The following MAMDC2 variants were observed in gnomAD, a reference collection of about 807,000 sequenced individuals.
MAMDC2 encodes the protein MAM domain containing 2.
MAMDC2 carries 57 observed loss-of-function variants against 89.8 expected under a neutral mutation model. That is an observed-to-expected ratio of 0.63 (90% CI 0.51 to 0.79). The LOEUF (loss-of-function observed/expected upper bound fraction) is 0.79. MAMDC2 is among the 30% of genes least tolerant of loss of function. The pLI is 0.00. For synonymous variants in MAMDC2, 313 were observed against 293.4 expected (o/e 1.07, Z -0.68); for missense variants, 800 against 820.6 (o/e 0.97, Z 0.31).
intron 11 of MAMDC2, among the ~76,000 whole-genome samples, chr9:70,214,756 A>T (rs769187479): frequency 2.0e-5 from 3 of 152,150 alleles, no homozygotes; most frequent in Non-Finnish European, 2.9e-5. Flanking sequence ...TGGATTCTGG[A>T]TATATTTTAA....
At chr9:70,216,433 G>A (rs555033267) in intron 11 of MAMDC2, 16 of 152,272 alleles carry the variant, frequency 1.1e-4, no homozygotes, top group African/African-American at 3.9e-4. Flanking sequence ...TGAAGAGAGA[G>A]AGAGAACAAG....
chr9:70,074,801 T>G (rs926127384), intron 2 of MAMDC2, among the ~76,000 whole-genome samples: 2 of 152,210 alleles, frequency 1.3e-5, no homozygotes, highest in Admixed American at 6.5e-5. Context: ...AAGCTTTATA[T>G]TTAATACTGT....
At chr9:70,070,394 C>T (rs969539705) in intron 2 of MAMDC2, among the ~76,000 whole-genome samples, 6 of 152,080 alleles carry the variant, frequency 3.9e-5, no homozygotes, top group Non-Finnish European at 7.4e-5. Flanking sequence ...TTTTGGAGAG[C>T]GGAGTTTCCT....
intron 11 of MAMDC2, among the ~76,000 whole-genome samples, chr9:70,211,234 C>G (rs1422954287): frequency 6.6e-6 from 1 of 152,222 alleles, no homozygotes; most frequent in Non-Finnish European, 1.5e-5. Flanking sequence ...CAACTTGGTT[C>G]CATCCTCCCC....
At chr9:70,154,637 A>C (rs1389294901) in intron 9 of MAMDC2, among the ~76,000 whole-genome samples, 1 of 146,584 alleles carries the variant, frequency 6.8e-6, no homozygotes, top group Non-Finnish European at 1.5e-5. Flanking sequence ...CAGTCCTCCC[A>C]CCTCAGCTTC....
intron 7 of MAMDC2, among the ~76,000 whole-genome samples, chr9:70,133,450 A>AGACTGTG (rs2030882843): frequency 6.6e-6 from 1 of 152,256 alleles, no homozygotes; most frequent in Non-Finnish European, 1.5e-5. Context: ...TCTGCAAAGC[A>AGACTGTG]CAGACTCCTT....
intron 2 of MAMDC2, 118 bp from the exon 3 acceptor site, chr9:70,108,093 G>A: frequency 2.9e-6 from 3 of 1,039,848 alleles, no homozygotes; most frequent in South Asian, 1.8e-5. Context: ...ACTTTCAGTG[G>A]GTTGACAAAA....
intron 11 of MAMDC2, among the ~76,000 whole-genome samples, chr9:70,195,892 A>G (rs1215654188): frequency 6.6e-6 from 1 of 152,106 alleles, no homozygotes; most frequent in East Asian, 1.9e-4. Flanking sequence ...TTTGCTAAGG[A>G]CTACATTAAC....
intron 2 of MAMDC2, among the ~76,000 whole-genome samples, chr9:70,093,355 G>T (rs373905987): frequency 6.6e-6 from 1 of 151,824 alleles, no homozygotes. Context: ...GAACTTGCAG[G>T]GTGAATTCAG....
At chr9:70,179,967 A>T (rs2032602241) in intron 11 of MAMDC2, among the ~76,000 whole-genome samples, 1 of 150,598 alleles carries the variant, frequency 6.6e-6, no homozygotes, top group Non-Finnish European at 1.5e-5. Context: ...TGCCAGACCT[A>T]TCATCCCAAC....
At chr9:70,105,680 C>G (rs932435923) in intron 2 of MAMDC2, among the ~76,000 whole-genome samples, 1 of 152,128 alleles carries the variant, frequency 6.6e-6, no homozygotes, top group Non-Finnish European at 1.5e-5. Context: ...AGAATAAAAT[C>G]TAGGTATTTT....
rs563085503 is a variant in MAMDC2 at position 70,167,284 on chromosome 9, A to G, written c.1405-1418A>G. On this transcript the variant is annotated intron_variant, in intron 9 of 13. Coordinates refer to ENST00000377182, the MANE Select transcript of MAMDC2 (RefSeq NM_153267.5). ...CACATCTTACAATTAGTAATTATCC[A>G]GAAGGTCTTGGATTAAGACATTTTA... Among the ~76,000 whole-genome samples, 5 of 152,342 alleles carry G rather than the reference A, an allele frequency of 3.3e-5. No homozygotes were observed. The South Asian group carries it at 1.0e-3, about 32-fold the overall frequency.
At chr9:70,098,349 C>T (rs1828079423) in intron 2 of MAMDC2, among the ~76,000 whole-genome samples, 1 of 152,184 alleles carries the variant, frequency 6.6e-6, no homozygotes, top group Non-Finnish European at 1.5e-5. Flanking sequence ...TGACAGCAGT[C>T]AGTAACCAAA....
chr9:70,130,041 TGTGTGA>T (rs1173500407), intron 6 of MAMDC2, among the ~76,000 whole-genome samples: 8 of 135,582 alleles, frequency 5.9e-5, no homozygotes, highest in Admixed American at 2.3e-4. Context: ...TGTGTGTGTG[TGTGTGA>T]GAGTGTCTGC....
chr9:70,216,844 C>T (rs544042335), intron 11 of MAMDC2, among the ~76,000 whole-genome samples: 2 of 152,304 alleles, frequency 1.3e-5, no homozygotes, highest in South Asian at 2.1e-4. Context: ...ACTTCAGTGA[C>T]ATGATAGTGA....
chr9:70,208,484 G>T (rs1331153989), intron 11 of MAMDC2, among the ~76,000 whole-genome samples: 1 of 152,138 alleles, frequency 6.6e-6, no homozygotes, highest in Non-Finnish European at 1.5e-5. Context: ...CATTGATTTT[G>T]TATCCTGAGA....
At position 70,044,240 on chromosome 9, in the gene MAMDC2, T is replaced by C; in HGVS notation, c.34+9T>C. The stretch of plus-strand genomic sequence containing the variant: ...CCTCCTGGCGTTGCAAGGTAAGGCC[T>C]GGACCCCGGGACAACCCCGGGGGCG... On this transcript the variant is annotated intron_variant, in intron 1 of 13. Coordinates refer to ENST00000377182, the MANE Select transcript of MAMDC2 (RefSeq NM_153267.5). The C allele has an allele frequency of 1.9e-6, 3 of 1,612,450 alleles. No individual in the cohort carries two copies. Among genetic ancestry groups the C allele is most frequent in the Non-Finnish European group, 1.7e-6 (2 of 1,179,842 alleles).
At chr9:70,082,212 T>A (rs1441905568) in intron 2 of MAMDC2, 2 of 152,070 alleles carry the variant, frequency 1.3e-5, no homozygotes, top group Non-Finnish European at 2.9e-5. Context: ...CTGGGCAACA[T>A]AGCAAGACCC....
chr9:70,120,760 G>A (rs2030247723), intron 5 of MAMDC2, among the ~76,000 whole-genome samples: 2 of 152,168 alleles, frequency 1.3e-5, no homozygotes, highest in South Asian at 4.1e-4. Context: ...ATTCATTCAT[G>A]CTTACGTCAT....
Sources: allele counts gnomAD v4.1 joint callset (sites outside exome capture counted in the v4.1 genomes callset), GRCh38; gene constraint gnomAD v4.1.1; transcripts MANE v1.5; gene names NCBI Gene and HGNC (gene_info 2026-07-23, HGNC 2026-07-21).